Variants in SYNE1 observed in about 807,000 individuals in gnomAD.
The protein encoded by SYNE1 is spectrin repeat containing nuclear envelope protein 1, also known as nesprin-1.
In SYNE1, 616 loss-of-function variants were observed where a neutral mutation model predicts 1,111.0. The ratio of observed to expected loss-of-function variants is 0.55; its 90% CI spans 0.52 to 0.59. The LOEUF (loss-of-function observed/expected upper bound fraction) is 0.59. Ranked by LOEUF, SYNE1 falls within the 20% of genes least tolerant of loss-of-function variation. SYNE1 has a pLI of 0.00. For missense variants in SYNE1, 10,006 were observed against 10,417.0 expected (o/e 0.96, Z 1.72); for synonymous variants, 3,855 against 3,825.8 (o/e 1.01, Z -0.28).
chr6:152,289,684 T>C (rs547046152), intron 95 of SYNE1, among the ~76,000 whole-genome samples: 1 of 152,274 alleles, frequency 6.6e-6, no homozygotes, highest in African/African-American at 2.4e-5. Flanking sequence ...TGGAGTGCGG[T>C]GGCGCAATCT....
At chr6:152,517,232 TG>T (rs2099116734) in intron 6 of SYNE1, among the ~76,000 whole-genome samples, 1 of 152,236 alleles carries the variant, frequency 6.6e-6, no homozygotes, top group Non-Finnish European at 1.5e-5. Context: ...ATTATGCATT[TG>T]TAATCTAATT....
chr6:152,324,832 G>C (rs1198025257), intron 81 of SYNE1, among the ~76,000 whole-genome samples: 1 of 152,108 alleles, frequency 6.6e-6, no homozygotes, highest in Non-Finnish European at 1.5e-5. Context: ...GGGCAAAATG[G>C]GCTTGTTCTC....
chr6:152,255,042 G>C lies in SYNE1; in HGVS notation c.19308C>G (p.Asn6436Lys). The change falls in exon 104 of 146, where the codon AAC becomes AAG. Residue 6436 changes from asparagine (N) to lysine (K), a missense_variant. Around this residue, in one of 7 missense-constraint regions of SYNE1, gnomAD observed 2,182 missense variants for 2,287.8 expected, o/e 0.95. Coordinates refer to ENST00000367255, the MANE Select transcript of SYNE1 (RefSeq NM_182961.4). ...IKEMSEEMDK[N>K]KNLFSQAFPE... ...GAAAAGCTTGGGAAAACAAGTTTTT[G>C]TTCTTATCCATTTCTTCAGACATTT... is the stretch of plus-strand genomic sequence containing the variant. 1 of 1,611,098 alleles carries C rather than the reference G, an allele frequency of 6.2e-7. No homozygotes were observed. The highest frequency in any genetic ancestry group is 1.1e-5 in the South Asian group (1 of 90,628).
chr6:152,124,589 T>C lies in SYNE1; in HGVS notation c.26154-1913A>G, dbSNP rs143804455. On this transcript the variant is annotated intron_variant, in intron 145 of 145. Coordinates refer to ENST00000367255, the MANE Select transcript of SYNE1 (RefSeq NM_182961.4). ...TTTGTCTTCTACTGATTTGTCAGTA[T>C]AAATAATCTCCCAAGAAGCCACAAG... Among the ~76,000 whole-genome samples, 3 of 152,282 alleles carry C rather than the reference T, an allele frequency of 2.0e-5. No homozygotes were observed. In the East Asian group the frequency reaches 5.8e-4, roughly 29 times the overall value.
Position 152,636,612 on chromosome 6 carries a change from C to T in SYNE1, c.-224+26G>A, listed in dbSNP as rs543851317. The T allele has an allele frequency of 5.2e-5, 8 of 153,146 alleles. No homozygotes were observed. In the South Asian group the frequency reaches 1.7e-3, roughly 32 times the overall value. The allele number at this position is 153,146 out of a possible 1,614,324, so 9.5% of individuals were successfully genotyped here. ...TCTCCCTGTCTCTGTCTCTCCCTGTCTCCCAGTCTCTGTCTTTCCTTTTAC... is the reference window on the plus strand; with the variant it reads ...TCTCCCTGTCTCTGTCTCTCCCTGTTTCCCAGTCTCTGTCTTTCCTTTTAC... On this transcript the variant is annotated intron_variant, in intron 2 of 145. Coordinates refer to ENST00000367255, the MANE Select transcript of SYNE1 (RefSeq NM_182961.4).
chr6:152,188,814 T>C (rs955906166), intron 128 of SYNE1, among the ~76,000 whole-genome samples: 6 of 150,728 alleles, frequency 4.0e-5, no homozygotes, highest in Non-Finnish European at 7.4e-5. Flanking sequence ...AAAAATTAGC[T>C]GGGCATGGTG....
intron 36 of SYNE1, among the ~76,000 whole-genome samples, chr6:152,429,112 A>AATAATAATT (rs2098403797): frequency 6.7e-6 from 1 of 148,998 alleles, no homozygotes; most frequent in African/African-American, 2.4e-5. Context: ...TAATAATAAT[A>AATAATAATT]ATAATAATGA....
Position 152,225,830 on chromosome 6 carries a change from A to G in SYNE1, c.21242T>C (p.Ile7081Thr), listed in dbSNP as rs963860198. ...AATCAAAGCAAGTCCATTCTGCTCA[A>G]TTTTCTCTACTTCTTTTTCTTTTGC... is the stretch of plus-strand genomic sequence containing the variant. ...IKAKEKEVEK[I>T]EQNGLALIQN... is the part of the protein sequence containing the mutation. The change falls in exon 116 of 146, where the codon ATT becomes ACT. Residue 7081 changes from isoleucine (I) to threonine (T), a missense_variant. This residue lies in a region of SYNE1 where 2,182 missense variants were observed against 2,287.8 expected (regional missense o/e 0.95). Coordinates refer to ENST00000367255, the MANE Select transcript of SYNE1 (RefSeq NM_182961.4). 7 of 1,613,762 alleles carry G rather than the reference A, an allele frequency of 4.3e-6. No homozygotes were observed. Among genetic ancestry groups the G allele is most frequent in the African/African-American group, 1.3e-5 (1 of 74,894 alleles).
intron 115 of SYNE1, among the ~76,000 whole-genome samples, chr6:152,227,537 AT>A (rs1208832439): frequency 6.6e-6 from 1 of 152,190 alleles, no homozygotes; most frequent in Admixed American, 6.5e-5. Context: ...CAGAGAATAA[AT>A]ATAGTGATTG....
rs754715013 is a variant in SYNE1, at chr6:152,498,765, C to T, written c.916G>A (p.Ala306Thr). The T allele has an allele frequency of 7.1e-6, 11 of 1,552,864 alleles. No individual in the cohort carries two copies. The South Asian group carries it at 1.2e-4, about 17-fold the overall frequency. ...DEILPGFPSF[A>T]NSVQNFKRED... ...ACCTTAAAATTTTGTACAGAATTTGCAAAAGATGGGAAACCTGGAAGTATT... is the reference window on the plus strand; with the variant it reads ...ACCTTAAAATTTTGTACAGAATTTGTAAAAGATGGGAAACCTGGAAGTATT... Residue 306 changes from alanine to threonine, a missense_variant, in exon 11 of 146, where the codon GCA becomes ACA. By Grantham distance (58) the Ala-to-Thr change is moderately conservative (BLOSUM62 0). This residue lies in a region of SYNE1 where 1,971 missense variants were observed against 2,084.1 expected (regional missense o/e 0.95). Coordinates refer to ENST00000367255, the MANE Select transcript of SYNE1 (RefSeq NM_182961.4).
chr6:152,223,852 G>A (rs2080831312), intron 117 of SYNE1, among the ~76,000 whole-genome samples: 1 of 152,230 alleles, frequency 6.6e-6, no homozygotes, highest in South Asian at 2.1e-4. Context: ...AAAGAGCAGT[G>A]ACAGGTGAGA....
In SYNE1 at chr6:152,520,452, C is replaced by T; in HGVS notation, c.309+7G>A. 1.9e-6 allele frequency: 3 copies of T among 1,613,084 alleles called. No individual in the cohort carries two copies. The highest frequency in any genetic ancestry group is 2.5e-6 in the Non-Finnish European group (3 of 1,179,538). ...CCTTGGGCATTTTGTTTTTGTTTCT[C>T]TCTTACCTTTCTTCCTTCGAGGAAC... is the stretch of plus-strand genomic sequence containing the variant. On this transcript the variant is annotated splice_region_variant and intron_variant, in intron 6 of 145. Transcript: ENST00000367255.
At chr6:152,586,469 T>G (rs569323051) in intron 3 of SYNE1, among the ~76,000 whole-genome samples, 5 of 152,300 alleles carry the variant, frequency 3.3e-5, no homozygotes, top group Admixed American at 6.5e-5. Context: ...TTTCAGTTAA[T>G]TCCTTTATGT....
At chr6:152,130,953 A>C (rs1263083911) in intron 144 of SYNE1, among the ~76,000 whole-genome samples, 175 bp from the exon 145 acceptor site, 2 of 152,214 alleles carry the variant, frequency 1.3e-5, no homozygotes, top group East Asian at 3.8e-4. Flanking sequence ...AAGTAAAATA[A>C]ATTTATATCT....
intron 4 of SYNE1, among the ~76,000 whole-genome samples, chr6:152,537,522 TA>T (rs1276362042): frequency 6.6e-6 from 1 of 152,086 alleles, no homozygotes; most frequent in Non-Finnish European, 1.5e-5. Flanking sequence ...CTTATTTGCA[TA>T]CTATCTCTTC....
chr6:152,140,144 C>T lies in SYNE1; in HGVS notation c.25264G>A (p.Glu8422Lys), dbSNP rs2152800615. ...TQTAGVIDRW[E>K]LLQAQALSKE... ...CTCAATGCCTGGGCCTGGAGAAGCT[C>T]CCATCGGTCAATCACACCTGGCAAG... Residue 8422 changes from glutamate (E) to lysine (K), a missense_variant, in exon 140 of 146, where the codon GAG becomes AAG. By Grantham distance (56) the Glu-to-Lys change is moderately conservative. Transcript: ENST00000367255. 6.2e-7 allele frequency: 1 copy of T among 1,614,144 alleles called. No individual in the cohort carries two copies.
intron 3 of SYNE1, among the ~76,000 whole-genome samples, chr6:152,585,105 G>A (rs941658291): frequency 6.6e-6 from 1 of 152,036 alleles, no homozygotes; most frequent in African/African-American, 2.4e-5. Flanking sequence ...TCTCATGAGA[G>A]TTGAGGGTTT....
chr6:152,469,357 C>T (rs9371599), intron 16 of SYNE1, among the ~76,000 whole-genome samples: 78,608 of 151,478 alleles, frequency 0.52, 22,139 homozygotes, highest in East Asian at 0.76. Context: ...TTATTAAACA[C>T]TGGGGAAAGA....
At chr6:152,341,210 G>A (rs1266697036) in intron 74 of SYNE1, among the ~76,000 whole-genome samples, 1 of 152,180 alleles carries the variant, frequency 6.6e-6, no homozygotes, top group East Asian at 1.9e-4. Context: ...CAGCCACTGT[G>A]CACAAGTACC....
Sources: allele counts gnomAD v4.1 joint callset (sites outside exome capture counted in the v4.1 genomes callset), GRCh38; gene constraint gnomAD v4.1.1; regional missense constraint gnomAD v4.1.1; transcripts MANE v1.5; gene names NCBI Gene and HGNC (gene_info 2026-07-23, HGNC 2026-07-21).